RRAS2: variants seen among roughly 807,000 people sequenced by gnomAD.
RRAS2 encodes the protein RAS related 2, also known as ras-related protein R-Ras2.
Under a neutral mutation model 27.6 loss-of-function variants are expected in RRAS2, and 7 were observed. The observed-to-expected ratio is 0.25, with a 90% CI of 0.14 to 0.48. The LOEUF (loss-of-function observed/expected upper bound fraction) is 0.48, where lower values mean the gene tolerates loss of function less well. RRAS2 is among the 20% of genes least tolerant of loss of function. The probability of loss-of-function intolerance (pLI) is 0.99; values close to 1 mark genes in which losing one functional copy is unlikely to be tolerated. For missense variants in RRAS2, 178 were observed against 256.2 expected (o/e 0.69, Z 2.08); for synonymous variants, 86 against 90.9 (o/e 0.95, Z 0.31).
At chr11:14,353,975 G>C (rs540166536) in intron 1 of RRAS2, among the ~76,000 whole-genome samples, 2 of 152,278 alleles carry the variant, frequency 1.3e-5, no homozygotes, top group South Asian at 4.1e-4. Flanking sequence ...AAAATGTCTA[G>C]TTTCAAAATA....
intron 1 of RRAS2, among the ~76,000 whole-genome samples, chr11:14,328,457 G>C (rs924735118): frequency 6.6e-6 from 1 of 151,158 alleles, no homozygotes; most frequent in Non-Finnish European, 1.5e-5. Flanking sequence ...TATCAAACAT[G>C]GTAAAATTTA....
chr11:14,280,258 C>G (rs1591438630), intron 5 of RRAS2, among the ~76,000 whole-genome samples: 1 of 151,888 alleles, frequency 6.6e-6, no homozygotes, highest in Non-Finnish European at 1.5e-5. Flanking sequence ...TCTTTTTCAT[C>G]TTATAAAACC....
chr11:14,317,305 C>A (rs1227195812), intron 1 of RRAS2, among the ~76,000 whole-genome samples: 13 of 152,200 alleles, frequency 8.5e-5, no homozygotes, highest in Admixed American at 8.5e-4. Flanking sequence ...TTAGGCCGGG[C>A]ATGGTGGCTC....
chr11:14,299,464 T>C (rs1404766419), intron 1 of RRAS2, among the ~76,000 whole-genome samples: 18 of 152,200 alleles, frequency 1.2e-4, no homozygotes, highest in Non-Finnish European at 2.5e-4. Context: ...AGAGAACATA[T>C]AAATTAAATG....
intron 4 of RRAS2, among the ~76,000 whole-genome samples, chr11:14,293,139 A>G (rs1270861075): frequency 6.5e-5 from 8 of 122,842 alleles, no homozygotes; most frequent in African/African-American, 2.9e-4. Flanking sequence ...ATATATATAT[A>G]TATATATATA....
At chr11:14,288,526 C>A (rs1391456907) in intron 4 of RRAS2, among the ~76,000 whole-genome samples, 4 of 152,006 alleles carry the variant, frequency 2.6e-5, no homozygotes, top group Non-Finnish European at 5.9e-5. Context: ...CTGAAAGTTA[C>A]AAAAGTAAGT....
At chr11:14,352,280 G>A (rs1254097691) in intron 1 of RRAS2, among the ~76,000 whole-genome samples, 1 of 152,176 alleles carries the variant, frequency 6.6e-6, no homozygotes, top group Non-Finnish European at 1.5e-5. Flanking sequence ...ATAAGTTAAA[G>A]CTGTTCAGTG....
intron 1 of RRAS2, among the ~76,000 whole-genome samples, chr11:14,351,501 T>C (rs1478199119): frequency 6.6e-6 from 1 of 152,040 alleles, no homozygotes; most frequent in Non-Finnish European, 1.5e-5. Context: ...CCAAGGCAGG[T>C]GGATCACATA....
At chr11:14,335,701 G>C (rs1554952470) in intron 1 of RRAS2, among the ~76,000 whole-genome samples, 1 of 152,124 alleles carries the variant, frequency 6.6e-6, no homozygotes, top group Admixed American at 6.5e-5. Context: ...GAAAGTTTGA[G>C]GGAAGGCATA....
intron 4 of RRAS2, 105 bp downstream of exon 4, chr11:14,294,366 C>A: frequency 1.7e-6 from 1 of 597,248 alleles, no homozygotes; most frequent in South Asian, 2.7e-5. Context: ...TGGCATGGAG[C>A]ACCGTATTTT....
At chr11:14,324,644 T>G (rs1848308789) in intron 1 of RRAS2, among the ~76,000 whole-genome samples, 1 of 152,230 alleles carries the variant, frequency 6.6e-6, no homozygotes, top group African/African-American at 2.4e-5. Flanking sequence ...AGAATTTTTT[T>G]GTTTTGCTCA....
At chr11:14,304,862 T>C (rs1056466917) in intron 1 of RRAS2, among the ~76,000 whole-genome samples, 9 of 152,214 alleles carry the variant, frequency 5.9e-5, no homozygotes, top group African/African-American at 2.2e-4. Flanking sequence ...CAGAGAACCT[T>C]TGTTCCCTGC....
chr11:14,290,757 C>G (rs1849789730), intron 4 of RRAS2, among the ~76,000 whole-genome samples: 1 of 152,098 alleles, frequency 6.6e-6, no homozygotes, highest in Non-Finnish European at 1.5e-5. Flanking sequence ...GCACTGAATG[C>G]CTGATGTCTG....
intron 1 of RRAS2, among the ~76,000 whole-genome samples, chr11:14,304,715 G>A (rs563499936): frequency 6.6e-6 from 1 of 152,202 alleles, no homozygotes; most frequent in African/African-American, 2.4e-5. Flanking sequence ...GTTAGCCATT[G>A]GTAGCCTCCA....
intron 1 of RRAS2, among the ~76,000 whole-genome samples, chr11:14,303,920 A>C (rs1206423797): frequency 1.3e-5 from 2 of 152,118 alleles, no homozygotes; most frequent in African/African-American, 2.4e-5. Context: ...CCCAGAACTT[A>C]AGTGAGACCT....
At chr11:14,331,694 A>G (rs1457691053) in intron 1 of RRAS2, among the ~76,000 whole-genome samples, 1 of 151,552 alleles carries the variant, frequency 6.6e-6, no homozygotes, top group Non-Finnish European at 1.5e-5. Flanking sequence ...AAAAAAAAAA[A>G]AAAGTTCTGG....
At chr11:14,286,849 G>A (rs1253121735) in intron 4 of RRAS2, among the ~76,000 whole-genome samples, 1 of 152,150 alleles carries the variant, frequency 6.6e-6, no homozygotes, top group East Asian at 1.9e-4. Context: ...CAAGTTACCC[G>A]AACAATTAAC....
At chr11:14,311,722 T>C (rs1049575472) in intron 1 of RRAS2, among the ~76,000 whole-genome samples, 5 of 152,118 alleles carry the variant, frequency 3.3e-5, no homozygotes, top group Non-Finnish European at 5.9e-5. Context: ...TACTGGAAAA[T>C]TATTTCAATA....
intron 1 of RRAS2, among the ~76,000 whole-genome samples, chr11:14,350,495 C>A (rs1195523947): frequency 6.6e-6 from 1 of 152,100 alleles, no homozygotes; most frequent in Non-Finnish European, 1.5e-5. Context: ...TACACCCTCA[C>A]CAGAAGCAGA....
Sources: gnomAD v4.1 joint callset for allele counts (sites outside exome capture counted in the v4.1 genomes callset) on GRCh38, gnomAD v4.1.1 for gene constraint, MANE v1.5 for transcripts, NCBI Gene and HGNC (gene_info 2026-07-23, HGNC 2026-07-21) for gene names.